DHX16: variants seen among roughly 807,000 people sequenced by gnomAD.
The protein encoded by DHX16 is pre-mRNA-splicing factor ATP-dependent RNA helicase DHX16.
Under a neutral mutation model 131.2 loss-of-function variants are expected in DHX16, and 81 were observed. That is an observed-to-expected ratio of 0.62 (90% CI 0.52 to 0.74). The LOEUF (loss-of-function observed/expected upper bound fraction) is 0.74, where lower values mean the gene tolerates loss of function less well. Ranked by LOEUF, DHX16 falls within the 30% of genes least tolerant of loss-of-function variation. The pLI, the probability that DHX16 is intolerant of heterozygous loss-of-function variation, is 0.00. For synonymous variants in DHX16, 440 were observed against 520.2 expected, an observed-to-expected ratio of 0.85 and a Z score of 2.10; for missense variants, 980 against 1,363.1, an observed-to-expected ratio of 0.72 and a Z score of 4.43.
At chr6:30,659,948 C>T (rs1196582666) in intron 10 of DHX16, 84 bp downstream of exon 10, 11 of 1,552,728 alleles carry the variant, frequency 7.1e-6, no homozygotes, top group Non-Finnish European at 9.7e-6. Context: ...CCTTCCATTC[C>T]ATCTTTCCCT....
intron 7 of DHX16, among the ~76,000 whole-genome samples, 197 bp downstream of exon 7, chr6:30,664,604 G>A (rs957664352): frequency 6.6e-6 from 1 of 152,092 alleles, no homozygotes; most frequent in African/African-American, 2.4e-5. Flanking sequence ...CCATCTACCC[G>A]TCCTTCCAAA....
chr6:30,672,294 G>A (rs1196570210), intron 1 of DHX16, among the ~76,000 whole-genome samples: 4 of 151,294 alleles, frequency 2.6e-5, no homozygotes, highest in Admixed American at 6.6e-5. Flanking sequence ...ACTCCAGCCT[G>A]GGCGACGGGG....
chr6:30,656,462 CAT>C lies in DHX16; in HGVS notation c.2357_2358del (p.Tyr786Ter). On this transcript the variant is annotated frameshift_variant, in exon 15 of 20. Transcript: ENST00000376442. LOFTEE classifies it high-confidence loss of function. The surrounding 1 kb of genome is among the most constrained non-coding windows in gnomAD (Gnocchi z 5.1). ...MHFDFLDPPP[Y>X]ETLLLALEQL... ...TGCTCCAAAGCCAGCAGCAGTGTCT[CAT>C]ATGGTGGAGGGTCCAGGAAATCAAA... The C allele has an allele frequency of 6.2e-7, 1 of 1,614,194 alleles. No homozygotes were observed. The highest frequency in any genetic ancestry group is 8.5e-7 in the Non-Finnish European group (1 of 1,180,026).
At chr6:30,661,871 C>T (rs1109146) in intron 9 of DHX16, 24,548 of 717,970 alleles carry the variant, frequency 0.034, 1,017 homozygotes, top group African/African-American at 0.12. Flanking sequence ...TCTTAGAGAT[C>T]TTTTGCAAGG....
At chr6:30,671,330 C>T in intron 1 of DHX16, 56 bp from the exon 2 acceptor site, 2 of 1,494,610 alleles carry the variant, frequency 1.3e-6, no homozygotes. Flanking sequence ...TCTGCCCTCC[C>T]ACTTAGCTCT....
chr6:30,663,046 A>C (rs1002139034), intron 7 of DHX16, 25 bp from the exon 8 acceptor site: 36 of 1,580,796 alleles, frequency 2.3e-5, no homozygotes, highest in Non-Finnish European at 2.8e-5. Flanking sequence ...AAAAAGAAGA[A>C]GTTTGCCCTT....
rs1307162981 is a variant in DHX16, at chr6:30,670,084, T to C, written c.666+326A>G. Reference sequence around the variant, plus strand: ...CCTCCAGCAACCTTCTTGACAACATTCCAGCTGCCTCATATCTCATTAGGA... The same window carrying C: ...CCTCCAGCAACCTTCTTGACAACATCCCAGCTGCCTCATATCTCATTAGGA... On this transcript the variant is annotated intron_variant, in intron 4 of 19. Coordinates refer to ENST00000376442, the MANE Select transcript of DHX16 (RefSeq NM_003587.5). This position sits in a 1 kb window ranked among gnomAD's most constrained non-coding sequence, Gnocchi z 4.4. 6.6e-6 allele frequency among the ~76,000 whole-genome samples: 1 copy of C among 152,142 alleles called. No homozygotes were observed. Among genetic ancestry groups the C allele is most frequent in the Non-Finnish European group, 1.5e-5 (1 of 68,024 alleles).
chr6:30,670,348 A>G lies in DHX16; in HGVS notation c.666+62T>C. On this transcript the variant is annotated intron_variant, in intron 4 of 19. Coordinates refer to ENST00000376442, the MANE Select transcript of DHX16 (RefSeq NM_003587.5). The surrounding 1 kb of genome is among the most constrained non-coding windows in gnomAD (Gnocchi z 4.4). ...TCCTCTGTATCCTCTCTCCCTATACACTCTATCAGAAAGTCTTTCCTTTTG... is the reference window on the plus strand; with the variant it reads ...TCCTCTGTATCCTCTCTCCCTATACGCTCTATCAGAAAGTCTTTCCTTTTG... The G allele has an allele frequency of 1.3e-6, 2 of 1,505,176 alleles. No individual in the cohort carries two copies. 93.2% of individuals were successfully genotyped at this position (1,505,176 alleles called of 1,614,324 possible).
At position 30,665,436 on chromosome 6, in the gene DHX16, T is replaced by C; in HGVS notation, c.921+43A>G. 1 of 1,593,862 alleles carries C rather than the reference T, an allele frequency of 6.3e-7. No individual in the cohort carries two copies. The highest frequency in any genetic ancestry group is 8.6e-7 in the Non-Finnish European group (1 of 1,168,234). ...ATCCCCTGAAGCCTTCCCCACAACT[T>C]GTCTTGGGGACCAAGGCTGAAGCAG... On this transcript the variant is annotated intron_variant, in intron 5 of 19. Coordinates refer to ENST00000376442, the MANE Select transcript of DHX16 (RefSeq NM_003587.5). The surrounding 1 kb of genome is among the most constrained non-coding windows in gnomAD (Gnocchi z 4.8).
intron 4 of DHX16, among the ~76,000 whole-genome samples, chr6:30,666,700 C>T (rs977036831): frequency 6.6e-6 from 1 of 152,092 alleles, no homozygotes; most frequent in Non-Finnish European, 1.5e-5. Flanking sequence ...CCCAGCTACT[C>T]GGGAGGCTGA....
intron 4 of DHX16, among the ~76,000 whole-genome samples, chr6:30,669,496 G>A (rs898392007): frequency 2.0e-5 from 3 of 151,844 alleles, no homozygotes; most frequent in Admixed American, 6.6e-5. Context: ...GGTGGCTCAC[G>A]CCTGTAATTC....
chr6:30,654,888 C>G lies in DHX16; in HGVS notation c.2824-9G>C. 1 of 1,602,750 alleles carries G rather than the reference C, an allele frequency of 6.2e-7. No homozygotes were observed. Among genetic ancestry groups the G allele is most frequent in the Non-Finnish European group, 8.5e-7 (1 of 1,174,628 alleles). On this transcript the variant is annotated splice_polypyrimidine_tract_variant and intron_variant, in intron 18 of 19. Coordinates refer to ENST00000376442, the MANE Select transcript of DHX16 (RefSeq NM_003587.5). ...TAACCAGCAGTGATGGCCTAAGGAG[C>G]GGGCAGGAAAGAAAATCAATGGAAA...
intron 1 of DHX16, among the ~76,000 whole-genome samples, chr6:30,672,414 T>C (rs1266413972): frequency 6.6e-6 from 1 of 152,058 alleles, no homozygotes; most frequent in African/African-American, 2.4e-5. Context: ...GGATGCATGT[T>C]AAGAGTTCGA....
intron 4 of DHX16, among the ~76,000 whole-genome samples, chr6:30,667,530 C>T (rs1443896456): frequency 1.3e-5 from 2 of 148,936 alleles, no homozygotes; most frequent in Non-Finnish European, 3.0e-5. Context: ...TGCAGTGAGC[C>T]GAGATCGCAC....
intron 9 of DHX16, chr6:30,661,696 C>T: frequency 2.8e-6 from 2 of 711,222 alleles, no homozygotes; most frequent in South Asian, 3.0e-5. Flanking sequence ...AGCCAAGTCC[C>T]AGGAACTCAT....
rs960270666 is a variant in DHX16, at chr6:30,665,774, G to A, written c.667-41C>T. Reference sequence around the variant, plus strand: ...ACAGTCGAATCCTCATCTTGCTGGAGGAGCAACCCCTTTCTCTACCAATCC... The same window carrying A: ...ACAGTCGAATCCTCATCTTGCTGGAAGAGCAACCCCTTTCTCTACCAATCC... On this transcript the variant is annotated intron_variant, in intron 4 of 19. Transcript: ENST00000376442. This position sits in a 1 kb window ranked among gnomAD's most constrained non-coding sequence, Gnocchi z 4.8. The A allele has an allele frequency of 8.2e-6, 13 of 1,585,200 alleles. No homozygotes were observed. The highest frequency in any genetic ancestry group is 1.1e-5 in the Non-Finnish European group (13 of 1,170,482).
In DHX16 at chr6:30,662,842, G is replaced by A; in HGVS notation, c.1428+69C>T. 6.4e-7 allele frequency: 1 copy of A among 1,556,726 alleles called. No homozygotes were observed. The highest frequency in any genetic ancestry group is 8.8e-7 in the Non-Finnish European group (1 of 1,130,662). On this transcript the variant is annotated intron_variant, in intron 8 of 19. Coordinates refer to ENST00000376442, the MANE Select transcript of DHX16 (RefSeq NM_003587.5). The surrounding 1 kb of genome is among the most constrained non-coding windows in gnomAD (Gnocchi z 4.7). ...GGCAGCACCAAGACTTCTGCTGTAG[G>A]GACCTGAGGGAACTGTAGACTGAGT...
rs778044768 is a variant in DHX16, at chr6:30,656,257, T to G, written c.2439A>C (p.Arg813=). The change falls in exon 16 of 20, where the codon CGA becomes CGC. Residue 813 remains arginine (R), a synonymous_variant. Transcript: ENST00000376442. The surrounding 1 kb of genome is among the most constrained non-coding windows in gnomAD (Gnocchi z 5.1). ...NHLGELTTSG[R]KMAELPVDPM... is the part of the protein sequence containing the mutation. ...GGTCCACCGGCAGCTCTGCCATCTT[T>G]CGACCAGACTAAGGAGAAGAGAGAG... 2 of 1,613,786 alleles carry G rather than the reference T, an allele frequency of 1.2e-6. No homozygotes were observed. Among genetic ancestry groups the G allele is most frequent in the South Asian group, 2.2e-5 (2 of 91,076 alleles).
In DHX16 at chr6:30,670,108, G is replaced by A. The variant is rs1670973146; in HGVS notation, c.666+302C>T. On this transcript the variant is annotated intron_variant, in intron 4 of 19. Coordinates refer to ENST00000376442, the MANE Select transcript of DHX16 (RefSeq NM_003587.5). This position sits in a 1 kb window ranked among gnomAD's most constrained non-coding sequence, Gnocchi z 4.4. The stretch of plus-strand genomic sequence containing the variant: ...TTCCAGCTGCCTCATATCTCATTAG[G>A]ACTCAGGAATAGGGAAAGCTCACAA... Among the ~76,000 whole-genome samples, 1 of 152,122 alleles carries A rather than the reference G, an allele frequency of 6.6e-6. No homozygotes were observed. The highest frequency in any genetic ancestry group is 1.5e-5 in the Non-Finnish European group (1 of 68,016).
Sources: allele counts gnomAD v4.1 joint callset (sites outside exome capture counted in the v4.1 genomes callset), GRCh38; gene constraint gnomAD v4.1.1; non-coding constraint Gnocchi (gnomAD v3.1); transcripts MANE v1.5; gene names NCBI Gene and HGNC (gene_info 2026-07-23, HGNC 2026-07-21).